Variants in MAP3K8 observed in about 807,000 individuals in gnomAD.
The protein encoded by MAP3K8 is Ewing sarcoma transformant.
MAP3K8 carries 22 observed loss-of-function variants against 45.8 expected under a neutral mutation model. That is an observed-to-expected ratio of 0.48 (90% CI 0.34 to 0.69). The LOEUF (loss-of-function observed/expected upper bound fraction) is 0.69, where lower values mean the gene tolerates loss of function less well. MAP3K8 is among the 30% of genes least tolerant of loss of function. The pLI is 0.01. For missense variants in MAP3K8, 419 were observed against 585.0 expected (o/e 0.72, Z 2.93); for synonymous variants, 223 against 214.3 (o/e 1.04, Z -0.36).
intron 8 of MAP3K8, 102 bp from the exon 9 acceptor site, chr10:30,460,604 T>C (rs1836902898): frequency 1.1e-6 from 1 of 920,092 alleles, no homozygotes; most frequent in Non-Finnish European, 1.6e-6. Flanking sequence ...CTTAAGACAC[T>C]GTTTTATTAG....
chr10:30,450,665 TATCTTAGA>T (rs1397494974), intron 5 of MAP3K8, 146 bp downstream of exon 5: 1 of 664,560 alleles, frequency 1.5e-6, no homozygotes, highest in Non-Finnish European at 2.6e-6. Flanking sequence ...TCCAGAGACA[TATCTTAGA>T]ATCATGCGGG....
chr10:30,451,110 A>AT (rs1343574220), intron 5 of MAP3K8, among the ~76,000 whole-genome samples: 2 of 151,304 alleles, frequency 1.3e-5, no homozygotes, highest in African/African-American at 4.9e-5. Context: ...AAAAAAAAAA[A>AT]GCAATTTACT....
chr10:30,435,684 C>G (rs1835889487), intron 1 of MAP3K8, among the ~76,000 whole-genome samples: 1 of 152,144 alleles, frequency 6.6e-6, no homozygotes, highest in African/African-American at 2.4e-5. Flanking sequence ...TCCCGAGTAG[C>G]TGGGATTACA....
chr10:30,445,682 A>G (rs1836300178), intron 3 of MAP3K8, among the ~76,000 whole-genome samples: 1 of 152,202 alleles, frequency 6.6e-6, no homozygotes, highest in Non-Finnish European at 1.5e-5. Flanking sequence ...GGCGACATAC[A>G]GGTTATCTTT....
Position 30,459,447 on chromosome 10 carries a change from G to A in MAP3K8, c.1219G>A (p.Glu407Lys). 1.9e-6 allele frequency: 3 copies of A among 1,614,138 alleles called. No homozygotes were observed. Among genetic ancestry groups the A allele is most frequent in the Non-Finnish European group, 2.5e-6 (3 of 1,180,016 alleles). The change falls in exon 8 of 9, where the codon GAG becomes AAG. Residue 407 changes from glutamate to lysine, a missense_variant. Transcript: ENST00000263056. The part of the protein sequence containing the change: ...RCQSLDSALL[E>K]RKRLLSRKEL... ...TCAGAGTCTGGACTCTGCCCTCTTG[G>A]AGCGCAAGAGGCTGCTGAGTAGGAA...
Position 30,437,391 on chromosome 10 carries a change from A to C in MAP3K8, c.-39A>C. 3 of 798,622 alleles carry C rather than the reference A, an allele frequency of 3.8e-6. No individual in the cohort carries two copies. Among genetic ancestry groups the C allele is most frequent in the Non-Finnish European group, 4.6e-6 (3 of 659,126 alleles). The allele number at this position is 798,622 out of a possible 1,614,324, so 49.5% of individuals were successfully genotyped here. ...ATGAGCTTGAACTCTGTTAATCCTC[A>C]CGACCACCTCATGAGGTAGGTGCTG... is the stretch of plus-strand genomic sequence containing the variant. On this transcript the variant is annotated 5_prime_UTR_variant, in exon 2 of 9. Transcript: ENST00000263056.
chr10:30,459,212 T>A lies in MAP3K8; in HGVS notation c.1027-43T>A, dbSNP rs1048893364. Reference sequence around the variant, plus strand: ...TAGCATGCTTTTGCTGTTGAGGGTGTATCACCATACCTTTGATGCTAAGAG... The same window carrying A: ...TAGCATGCTTTTGCTGTTGAGGGTGAATCACCATACCTTTGATGCTAAGAG... On this transcript the variant is annotated intron_variant, in intron 7 of 8. Transcript: ENST00000263056. 3.1e-6 allele frequency: 5 copies of A among 1,612,172 alleles called. No homozygotes were observed. The African/African-American group carries it at 5.3e-5, about 17-fold the overall frequency.
In MAP3K8 at chr10:30,434,198, C is replaced by T. The variant is rs1057105503; in HGVS notation, c.-435C>T. The T allele has an allele frequency of 6.5e-6, 1 of 153,120 alleles. No homozygotes were observed. The highest frequency in any genetic ancestry group is 1.9e-4 in the East Asian group (1 of 5,196). The allele number at this position is 153,120 out of a possible 1,614,324, so 9.5% of individuals were successfully genotyped here. The stretch of plus-strand genomic sequence containing the variant: ...ACGCGGGTCTCACTCGTCCGCTCCG[C>T]TCTGGACTGCGCGCCACGCTCTGGG... On this transcript the variant is annotated 5_prime_UTR_variant, in exon 1 of 9. Transcript: ENST00000263056.
chr10:30,448,719 AC>A (rs1452322873), intron 4 of MAP3K8, among the ~76,000 whole-genome samples: 2 of 152,098 alleles, frequency 1.3e-5, no homozygotes, highest in Admixed American at 1.3e-4. Flanking sequence ...GGCATAAGCC[AC>A]CGCGCCCTGC....
In MAP3K8 at chr10:30,461,614, C is replaced by T. The variant is rs1360862536; in HGVS notation, c.*778C>T. The T allele has an allele frequency of 2.1e-5, 4 of 188,168 alleles. No individual in the cohort carries two copies. Among genetic ancestry groups the T allele is most frequent in the Non-Finnish European group, 4.5e-5 (4 of 89,316 alleles). The allele number at this position is 188,168 out of a possible 1,614,324, so 11.7% of individuals were successfully genotyped here. A position where few individuals can be genotyped will look rare whatever the true frequency, so the allele number is the denominator to read the frequency against. ...ATTGATGATTTTGTAATTCTTATGA[C>T]TAAATTTTCTTTTAAGCATTTGTAT... On this transcript the variant is annotated 3_prime_UTR_variant, in exon 9 of 9. Coordinates refer to ENST00000263056, the MANE Select transcript of MAP3K8 (RefSeq NM_005204.4).
chr10:30,447,441 G>T (rs998162402), intron 3 of MAP3K8, among the ~76,000 whole-genome samples: 1 of 152,204 alleles, frequency 6.6e-6, no homozygotes, highest in African/African-American at 2.4e-5. Flanking sequence ...CTGCAGGCAC[G>T]GTTTATATTT....
Position 30,448,025 on chromosome 10 carries a change from A to AT in MAP3K8, c.504+76_504+77insT. 4 of 1,353,102 alleles carry AT rather than the reference A, an allele frequency of 3.0e-6. No homozygotes were observed. The East Asian group carries it at 9.3e-5, about 31-fold the overall frequency. The allele number at this position is 1,353,102 out of a possible 1,614,324, so 83.8% of individuals were successfully genotyped here. A position where few individuals can be genotyped will look rare whatever the true frequency, so the allele number is the denominator to read the frequency against. On this transcript the variant is annotated intron_variant, in intron 4 of 8. Transcript: ENST00000263056. The stretch of plus-strand genomic sequence containing the variant: ...TTTTGTTTTTTTGTCCATTTGCATT[A>AT]ACCAAAGGTTTTTATCGTTTGATTG...
At chr10:30,444,387 C>G (rs751038343) in intron 3 of MAP3K8, among the ~76,000 whole-genome samples, 7 of 152,080 alleles carry the variant, frequency 4.6e-5, no homozygotes, top group Non-Finnish European at 8.8e-5. Context: ...CGCTTGAACT[C>G]AGGAGGCAGA....
chr10:30,457,704 G>A (rs1250035990), intron 6 of MAP3K8, among the ~76,000 whole-genome samples: 1 of 152,154 alleles, frequency 6.6e-6, no homozygotes, highest in Non-Finnish European at 1.5e-5. Context: ...GGAGTGCAGT[G>A]GTGCGATCTC....
chr10:30,459,966 C>T (rs1836876300), intron 8 of MAP3K8, among the ~76,000 whole-genome samples: 1 of 152,074 alleles, frequency 6.6e-6, no homozygotes, highest in South Asian at 2.1e-4. Context: ...CCTCAGCCTC[C>T]TGAGTAGCTG....
Position 30,447,968 on chromosome 10 carries a change from G to A in MAP3K8, c.504+19G>A. 1 of 1,588,752 alleles carries A rather than the reference G, an allele frequency of 6.3e-7. No individual in the cohort carries two copies. Among genetic ancestry groups the A allele is most frequent in the Non-Finnish European group, 8.5e-7 (1 of 1,171,366 alleles). ...TAAACTGGTATGTGTTTTCTACCTA[G>A]ATAACCCACACTGTGTGTTTGGCAT... On this transcript the variant is annotated intron_variant, in intron 4 of 8. Transcript: ENST00000263056.
chr10:30,447,720 G>T (rs1836389160), intron 3 of MAP3K8, 62 bp from the exon 4 acceptor site: 4 of 1,264,710 alleles, frequency 3.2e-6, no homozygotes, highest in Admixed American at 3.7e-5. Flanking sequence ...CTAATAGGTG[G>T]GTCTTAGAAA....
intron 3 of MAP3K8, chr10:30,439,507 T>A: frequency 2.1e-6 from 2 of 968,086 alleles, no homozygotes; most frequent in Non-Finnish European, 1.5e-6. Context: ...TACAAATAGG[T>A]AATTAAGAAG....
intron 7 of MAP3K8, 37 bp downstream of exon 7, chr10:30,458,273 G>GGA (rs757764630): frequency 2.3e-5 from 31 of 1,364,620 alleles, no homozygotes; most frequent in African/African-American, 6.0e-5. Flanking sequence ...GGCGGCGGGG[G>GGA]GGGGCGTTGA....
Sources: allele counts gnomAD v4.1 joint callset (sites outside exome capture counted in the v4.1 genomes callset), GRCh38; gene constraint gnomAD v4.1.1; transcripts MANE v1.5; gene names NCBI Gene and HGNC (gene_info 2026-07-23, HGNC 2026-07-21).